Variants in ATF3 observed in about 807,000 individuals in gnomAD.
ATF3 encodes the protein cyclic AMP-dependent transcription factor ATF-3.
Under a neutral mutation model 18.4 loss-of-function variants are expected in ATF3, and 10 were observed. That is an observed-to-expected ratio of 0.54 (90% CI 0.34 to 0.92). ATF3 has a LOEUF of 0.92. Among genes scored for constraint, ATF3 ranks in the 40% least tolerant of loss-of-function variants. ATF3 has a pLI of 0.02. For missense variants in ATF3, 183 were observed against 222.3 expected (o/e 0.82, Z 1.12); for synonymous variants, 78 against 87.9 (o/e 0.89, Z 0.63).
chr1:212,606,620 C>A (rs1362367262), upstream of ATF3, among the ~76,000 whole-genome samples: 1 of 152,204 alleles, frequency 6.6e-6, no homozygotes, highest in African/African-American at 2.4e-5. Context: ...AATCATAGTT[C>A]AACCTGTAAA....
chr1:212,581,520 G>A (rs566989905), intron 1 of ATF3, among the ~76,000 whole-genome samples: 1 of 152,324 alleles, frequency 6.6e-6, no homozygotes, highest in Non-Finnish European at 1.5e-5. Context: ...ATGGAAGAAT[G>A]TTTTATGGAA....
chr1:212,604,437 C>A (rs980696347), upstream of ATF3, among the ~76,000 whole-genome samples: 1 of 152,154 alleles, frequency 6.6e-6, no homozygotes, highest in Non-Finnish European at 1.5e-5. Flanking sequence ...CAAGAAGTCA[C>A]CAGAGATGTA....
chr1:212,617,202 C>T (rs1414191680), intron 2 of ATF3, among the ~76,000 whole-genome samples: 4 of 152,186 alleles, frequency 2.6e-5, no homozygotes, highest in African/African-American at 7.2e-5. Context: ...GCCTGCCCCA[C>T]CCTTCCCTGT....
At chr1:212,570,123 A>T (rs1174053912) in intron 1 of ATF3, among the ~76,000 whole-genome samples, 3 of 138,596 alleles carry the variant, frequency 2.2e-5, no homozygotes, top group Admixed American at 2.2e-4. Flanking sequence ...ACCAACAAAG[A>T]CCTCCCTATC....
At chr1:212,578,092 A>G (rs1380282044) in intron 1 of ATF3, among the ~76,000 whole-genome samples, 1 of 152,174 alleles carries the variant, frequency 6.6e-6, no homozygotes, top group Non-Finnish European at 1.5e-5. Context: ...AACATTTTCT[A>G]TCTTTTCTGG....
chr1:212,584,956 G>C (rs890526320), intron 1 of ATF3, among the ~76,000 whole-genome samples: 1 of 152,146 alleles, frequency 6.6e-6, no homozygotes, highest in African/African-American at 2.4e-5. Context: ...AAATCTGCAT[G>C]GTAAACACAG....
chr1:212,576,048 G>T (rs1558224976), intron 1 of ATF3, among the ~76,000 whole-genome samples: 1 of 152,050 alleles, frequency 6.6e-6, no homozygotes, highest in Non-Finnish European at 1.5e-5. Context: ...TTAAAGCAGG[G>T]CTTATCTATT....
At chr1:212,605,965 T>A (rs376078900), upstream of ATF3, among the ~76,000 whole-genome samples, 12 of 152,360 alleles carry the variant, frequency 7.9e-5, no homozygotes, top group African/African-American at 2.4e-4. Flanking sequence ...TTTGTTTGCA[T>A]GGAGAAGAGT....
At chr1:212,577,963 A>G (rs1664613572) in intron 1 of ATF3, among the ~76,000 whole-genome samples, 1 of 152,228 alleles carries the variant, frequency 6.6e-6, no homozygotes, top group South Asian at 2.1e-4. Context: ...TTGCTGGATC[A>G]TATGGTAATT....
chr1:212,606,808 C>G (rs1654636040), upstream of ATF3, among the ~76,000 whole-genome samples: 1 of 152,232 alleles, frequency 6.6e-6, no homozygotes, highest in African/African-American at 2.4e-5. Flanking sequence ...TCCACCTAAT[C>G]CCGCCCGGTG....
chr1:212,601,981 A>G (rs1483435446), intron 1 of ATF3, among the ~76,000 whole-genome samples: 1 of 152,198 alleles, frequency 6.6e-6, no homozygotes, highest in African/African-American at 2.4e-5. Flanking sequence ...ATTTTGATAC[A>G]GGCATACAAT....
chr1:212,607,383 G>T (rs915464797), upstream of ATF3, among the ~76,000 whole-genome samples: 6 of 152,222 alleles, frequency 3.9e-5, no homozygotes, highest in African/African-American at 1.4e-4. Context: ...GGCCACACTT[G>T]TGTCTACAAA....
At chr1:212,593,570 T>TA (rs375688026) in intron 1 of ATF3, among the ~76,000 whole-genome samples, 4 of 150,866 alleles carry the variant, frequency 2.7e-5, no homozygotes, top group Admixed American at 6.6e-5. Flanking sequence ...TCATCTGTAC[T>TA]AAAAAAAAGA....
intron 1 of ATF3, among the ~76,000 whole-genome samples, chr1:212,582,130 C>A (rs1664694636): frequency 6.6e-6 from 1 of 152,072 alleles, no homozygotes; most frequent in Non-Finnish European, 1.5e-5. Context: ...CAAATAGAAA[C>A]AAAGAATTTT....
At chr1:212,606,165 G>A (rs766652606), upstream of ATF3, among the ~76,000 whole-genome samples, 9 of 152,212 alleles carry the variant, frequency 5.9e-5, no homozygotes, top group Non-Finnish European at 8.8e-5. Context: ...TTCTTTTCCA[G>A]TCTCTCAATT....
At chr1:212,584,338 G>C (rs1664738976) in intron 1 of ATF3, among the ~76,000 whole-genome samples, 1 of 152,114 alleles carries the variant, frequency 6.6e-6, no homozygotes, top group South Asian at 2.1e-4. Flanking sequence ...TTATTGTAAG[G>C]GACTTGGCTC....
Position 212,619,467 on chromosome 1 carries a change from G to A in ATF3, c.458G>A (p.Cys153Tyr). Residue 153 changes from cysteine to tyrosine, a missense_variant, in exon 4 of 4, where the codon TGT becomes TAT. Physicochemically the swap from Cys to Tyr is radical, Grantham distance 194 (BLOSUM62 -2). Transcript: ENST00000341491. The surrounding 1 kb of genome is among the most constrained non-coding windows in gnomAD (Gnocchi z 4.4). Reference protein sequence around the residue: ...IYMLNLHRPTCIVRAQNGRTP... With the variant: ...IYMLNLHRPTYIVRAQNGRTP... ...ATGCTCAACCTTCATCGGCCCACGTGTATTGTCCGGGCTCAGAATGGGAGG... is the reference window on the plus strand; with the variant it reads ...ATGCTCAACCTTCATCGGCCCACGTATATTGTCCGGGCTCAGAATGGGAGG... 6 of 1,614,200 alleles carry A rather than the reference G, an allele frequency of 3.7e-6. No individual in the cohort carries two copies. Among genetic ancestry groups the A allele is most frequent in the Non-Finnish European group, 5.1e-6 (6 of 1,180,030 alleles).
intron 1 of ATF3, among the ~76,000 whole-genome samples, chr1:212,566,488 G>A (rs1389226521): frequency 1.3e-5 from 2 of 152,176 alleles, no homozygotes; most frequent in Admixed American, 1.3e-4. Flanking sequence ...TGGATGTAAA[G>A]CAACACCCTG....
At chr1:212,581,189 C>T (rs191155194) in intron 1 of ATF3, among the ~76,000 whole-genome samples, 2 of 152,358 alleles carry the variant, frequency 1.3e-5, no homozygotes, top group East Asian at 3.9e-4. Flanking sequence ...TTATGTGACT[C>T]AGTAACACAG....
Sources: gnomAD v4.1 joint callset for allele counts (sites outside exome capture counted in the v4.1 genomes callset) on GRCh38, gnomAD v4.1.1 for gene constraint, Gnocchi (gnomAD v3.1) non-coding constraint, MANE v1.5 for transcripts, NCBI Gene and HGNC (gene_info 2026-07-23, HGNC 2026-07-21) for gene names.